The following PRKAR2A variants were observed in gnomAD, a reference collection of about 807,000 sequenced individuals.
The protein encoded by PRKAR2A is protein kinase cAMP-dependent type II regulatory subunit alpha.
Under a neutral mutation model 51.9 loss-of-function variants are expected in PRKAR2A, and 29 were observed. That is an observed-to-expected ratio of 0.56 (90% confidence interval 0.42 to 0.76). PRKAR2A has a LOEUF of 0.76. Among genes scored for constraint, PRKAR2A ranks in the 30% least tolerant of loss-of-function variants. The pLI is 0.00. For synonymous variants in PRKAR2A, 178 were observed against 186.2 expected (o/e 0.96, Z 0.36); for missense variants, 445 against 512.1 (o/e 0.87, Z 1.26).
chr3:48,846,519 G>GA (rs2083465543), intron 1 of PRKAR2A, among the ~76,000 whole-genome samples: 1 of 151,928 alleles, frequency 6.6e-6, no homozygotes. Context: ...GCCCGGCCAG[G>GA]TTTTTCGTTT....
chr3:48,757,901 C>T (rs945348422), intron 8 of PRKAR2A, among the ~76,000 whole-genome samples: 1 of 151,876 alleles, frequency 6.6e-6, no homozygotes, highest in Non-Finnish European at 1.5e-5. Flanking sequence ...ACTAAAAATA[C>T]AAAAATTAGC....
intron 6 of PRKAR2A, among the ~76,000 whole-genome samples, chr3:48,772,386 T>C (rs1049310412): frequency 1.3e-5 from 2 of 151,952 alleles, no homozygotes; most frequent in African/African-American, 2.4e-5. Context: ...TTCATATTTT[T>C]AGTAGAGACA....
chr3:48,777,492 G>A (rs1191024729), intron 5 of PRKAR2A, among the ~76,000 whole-genome samples: 4 of 152,058 alleles, frequency 2.6e-5, no homozygotes, highest in South Asian at 2.1e-4. Flanking sequence ...TGTAAGCTCC[G>A]CCTCCTGGGT....
At chr3:48,794,106 G>C (rs1209866593) in intron 2 of PRKAR2A, 57 bp from the exon 3 acceptor site, 2 of 1,314,446 alleles carry the variant, frequency 1.5e-6, no homozygotes, top group Non-Finnish European at 1.1e-6. Flanking sequence ...GTGGCTTTAG[G>C]AAAAATAGGA....
Position 48,751,425 on chromosome 3 carries a change from A to G in PRKAR2A, c.*160T>C, listed in dbSNP as rs191599583. 6.5e-4 allele frequency: 659 copies of G among 1,015,482 alleles called. 5 individuals carry two copies. The African/African-American group carries it at 9.2e-3, about 14-fold the overall frequency. 62.9% of individuals were successfully genotyped at this position (1,015,482 alleles called of 1,614,324 possible). On this transcript the variant is annotated 3_prime_UTR_variant, in exon 11 of 11. Coordinates refer to ENST00000265563, the MANE Select transcript of PRKAR2A (RefSeq NM_004157.4). Reference sequence around the variant, plus strand: ...TGGGTTGAACCTCTGCCCATCCTTTAGTGCTGACTTTCAAGTTTTCTAAAT... The same window carrying G: ...TGGGTTGAACCTCTGCCCATCCTTTGGTGCTGACTTTCAAGTTTTCTAAAT...
chr3:48,819,523 A>G (rs190808978), intron 1 of PRKAR2A, among the ~76,000 whole-genome samples: 2 of 152,334 alleles, frequency 1.3e-5, no homozygotes, highest in East Asian at 3.9e-4. Context: ...TCTAAATTTG[A>G]CAACTGAGGA....
chr3:48,812,201 G>C (rs1004632357), intron 1 of PRKAR2A, among the ~76,000 whole-genome samples: 2 of 151,788 alleles, frequency 1.3e-5, no homozygotes, highest in African/African-American at 2.4e-5. Context: ...AAAATAGGAA[G>C]GAAAAGAAAC....
intron 2 of PRKAR2A, among the ~76,000 whole-genome samples, chr3:48,804,362 G>A (rs947688270): frequency 3.3e-5 from 5 of 152,084 alleles, no homozygotes; most frequent in Non-Finnish European, 5.9e-5. Flanking sequence ...TCAGGAGGCT[G>A]AGGCAGGAGG....
At chr3:48,761,221 G>A (rs1385980576) in intron 8 of PRKAR2A, among the ~76,000 whole-genome samples, 1 of 152,054 alleles carries the variant, frequency 6.6e-6, no homozygotes, top group Non-Finnish European at 1.5e-5. Flanking sequence ...GGCGGAGCTT[G>A]CAGTGAGCCG....
chr3:48,778,438 C>T (rs2082138388), intron 5 of PRKAR2A, among the ~76,000 whole-genome samples: 2 of 152,130 alleles, frequency 1.3e-5, no homozygotes, highest in African/African-American at 2.4e-5. Flanking sequence ...CCTCCCACCC[C>T]AGCCTTCCAA....
chr3:48,831,949 G>A (rs901069050), intron 1 of PRKAR2A, among the ~76,000 whole-genome samples: 5 of 152,054 alleles, frequency 3.3e-5, no homozygotes, highest in Admixed American at 6.6e-5. Flanking sequence ...TTTCTACATC[G>A]TTAGTAACTG....
chr3:48,799,641 G>A (rs1029172234), intron 2 of PRKAR2A, among the ~76,000 whole-genome samples: 15 of 152,186 alleles, frequency 9.9e-5, no homozygotes, highest in African/African-American at 3.6e-4. Context: ...GGGCAGGGAT[G>A]TCTGCTGAAG....
downstream of PRKAR2A, among the ~76,000 whole-genome samples, chr3:48,745,778 A>C (rs775958235): frequency 1.3e-5 from 2 of 152,060 alleles, no homozygotes; most frequent in Admixed American, 6.6e-5. Flanking sequence ...ACCTCAGGTG[A>C]TCCGCCCACC....
At chr3:48,829,690 A>G (rs1365290754) in intron 1 of PRKAR2A, among the ~76,000 whole-genome samples, 2 of 140,206 alleles carry the variant, frequency 1.4e-5, no homozygotes, top group African/African-American at 2.6e-5. Context: ...GTGTGTGTGT[A>G]TACGTGTGTA....
intron 1 of PRKAR2A, among the ~76,000 whole-genome samples, chr3:48,818,992 T>A (rs2082916740): frequency 6.6e-6 from 1 of 152,132 alleles, no homozygotes; most frequent in African/African-American, 2.4e-5. Context: ...CTGCCACGTA[T>A]ACCCTGTTCA....
Position 48,790,734 on chromosome 3 carries a change from G to T in PRKAR2A, c.352-107C>A, listed in dbSNP as rs2082369201. ...AAAAAGTGGGAAAAATAAAGAGCATGGTTTCTGTTATTTTAATTTTACATA... is the reference window on the plus strand; with the variant it reads ...AAAAAGTGGGAAAAATAAAGAGCATTGTTTCTGTTATTTTAATTTTACATA... On this transcript the variant is annotated intron_variant, in intron 3 of 10. Transcript: ENST00000265563. 2.6e-5 allele frequency: 17 copies of T among 651,916 alleles called. No individual in the cohort carries two copies. The South Asian group carries it at 6.8e-4, about 26-fold the overall frequency. The allele number at this position is 651,916 out of a possible 1,614,324, so 40.4% of individuals were successfully genotyped here.
intron 1 of PRKAR2A, among the ~76,000 whole-genome samples, chr3:48,833,007 A>G (rs1165771415): frequency 6.6e-6 from 1 of 152,164 alleles, no homozygotes; most frequent in African/African-American, 2.4e-5. Flanking sequence ...CCCCAAGTGC[A>G]TTTGATCCTT....
At chr3:48,776,481 A>C (rs1329830141) in intron 5 of PRKAR2A, among the ~76,000 whole-genome samples, 1 of 152,176 alleles carries the variant, frequency 6.6e-6, no homozygotes, top group Non-Finnish European at 1.5e-5. Flanking sequence ...TGGAGTCATT[A>C]AATATAATGA....
chr3:48,758,781 T>A (rs2081816199), intron 8 of PRKAR2A, among the ~76,000 whole-genome samples: 1 of 152,120 alleles, frequency 6.6e-6, no homozygotes. Flanking sequence ...CATTTCATTT[T>A]TTTTGCCAAA....
Sources: allele counts gnomAD v4.1 joint callset (sites outside exome capture counted in the v4.1 genomes callset), GRCh38; gene constraint gnomAD v4.1.1; transcripts MANE v1.5; gene names NCBI Gene and HGNC (gene_info 2026-07-23, HGNC 2026-07-21).